DNAJC5: variants seen among roughly 807,000 people sequenced by gnomAD.
DNAJC5 encodes DnaJ heat shock protein family (Hsp40) member C5.
DNAJC5 carries 1 observed loss-of-function variant against 23.2 expected under a neutral mutation model. The ratio of observed to expected loss-of-function variants is 0.04; its 90% CI spans 0.02 to 0.20. The LOEUF (loss-of-function observed/expected upper bound fraction) is 0.20. DNAJC5 is among the 10% of genes least tolerant of loss of function. The pLI is 1.00. For synonymous variants in DNAJC5, 136 were observed against 120.0 expected, an observed-to-expected ratio of 1.13 and a Z score of -0.87; for missense variants, 180 against 267.0, an observed-to-expected ratio of 0.67 and a Z score of 2.27.
At chr20:63,916,329 A>G (rs530607501) in intron 1 of DNAJC5, among the ~76,000 whole-genome samples, 3 of 152,344 alleles carry the variant, frequency 2.0e-5, no homozygotes, top group South Asian at 2.1e-4. Flanking sequence ...AATAAAGAGA[A>G]AGAGTACAAA....
At position 63,931,106 on chromosome 20, in the gene DNAJC5, CAGG is replaced by C. The variant is rs941755736; in HGVS notation, c.493+88_493+90del. On this transcript the variant is annotated intron_variant, in intron 4 of 4. Transcript: ENST00000360864. This position sits in a 1 kb window ranked among gnomAD's most constrained non-coding sequence, Gnocchi z 9.6. ...AATGGTGTCAACCTGTCTTGTCAAACAGGAGGGCACTGACACTGTGCCGCGAGT... is the reference window on the plus strand; with the variant it reads ...AATGGTGTCAACCTGTCTTGTCAAACAGGGCACTGACACTGTGCCGCGAGT... The C allele has an allele frequency of 2.8e-6, 4 of 1,414,938 alleles. No individual in the cohort carries two copies. The highest frequency in any genetic ancestry group is 2.8e-5 in the African/African-American group (2 of 71,010). The allele number at this position is 1,414,938 out of a possible 1,614,324, so 87.6% of individuals were successfully genotyped here.
rs535064309 is a variant in DNAJC5, at chr20:63,924,251, A to T, written c.-11-4084A>T. 2.0e-5 allele frequency among the ~76,000 whole-genome samples: 3 copies of T among 152,334 alleles called. No individual in the cohort carries two copies. The East Asian group carries it at 5.8e-4, about 29-fold the overall frequency. ...TTGGATTAGGGTTAGGCTTCTGTCA[A>T]GTCTACAGATCAGTTTGGGGAGAAC... On this transcript the variant is annotated intron_variant, in intron 1 of 4. Transcript: ENST00000360864.
At position 63,934,227 on chromosome 20, in the gene DNAJC5, G is replaced by A. The variant is rs931805235; in HGVS notation, c.*2659G>A. The A allele has an allele frequency of 2.6e-5, 4 of 152,248 alleles. No homozygotes were observed. The highest frequency in any genetic ancestry group is 9.6e-5 in the African/African-American group (4 of 41,456). The allele number at this position is 152,248 out of a possible 1,614,324, so 9.4% of individuals were successfully genotyped here. A position where few individuals can be genotyped will look rare whatever the true frequency, so the allele number is the denominator to read the frequency against. On this transcript the variant is annotated 3_prime_UTR_variant, in exon 5 of 5. Transcript: ENST00000360864. ...GGTTTTATTTCTCTCTTTCTTGAGTGGACTGTTTCCCTATAATTAAAAGAG... is the reference window on the plus strand; with the variant it reads ...GGTTTTATTTCTCTCTTTCTTGAGTAGACTGTTTCCCTATAATTAAAAGAG...
chr20:63,927,771 T>G (rs189914138), intron 1 of DNAJC5, among the ~76,000 whole-genome samples: 12 of 152,376 alleles, frequency 7.9e-5, no homozygotes, highest in Admixed American at 2.6e-4. Flanking sequence ...ACATTGAATT[T>G]AATTGTTGAT....
At position 63,933,597 on chromosome 20, in the gene DNAJC5, G is replaced by T. The variant is rs2053692688; in HGVS notation, c.*2029G>T. 1 of 152,392 alleles carries T rather than the reference G, an allele frequency of 6.6e-6. No homozygotes were observed. The highest frequency in any genetic ancestry group is 2.4e-5 in the African/African-American group (1 of 41,458). The allele number at this position is 152,392 out of a possible 1,614,324, so 9.4% of individuals were successfully genotyped here. The stretch of plus-strand genomic sequence containing the variant: ...TTGTTTGGCCCATCCTGAAAGGTGA[G>T]GTGGCGAGACAGTGGGGTGCCTCCG... On this transcript the variant is annotated 3_prime_UTR_variant, in exon 5 of 5. Transcript: ENST00000360864.
chr20:63,908,371 A>G (rs1395414398), intron 1 of DNAJC5, among the ~76,000 whole-genome samples: 1 of 152,198 alleles, frequency 6.6e-6, no homozygotes, highest in Non-Finnish European at 1.5e-5. Flanking sequence ...AAATACCCAG[A>G]TGCCATCTGT....
chr20:63,919,168 T>C (rs187254163), intron 1 of DNAJC5, among the ~76,000 whole-genome samples: 1 of 152,338 alleles, frequency 6.6e-6, no homozygotes, highest in African/African-American at 2.4e-5. Context: ...CTGAGGAGCA[T>C]GGACCTGCTA....
chr20:63,927,237 C>T (rs2053623877), intron 1 of DNAJC5, among the ~76,000 whole-genome samples: 1 of 151,820 alleles, frequency 6.6e-6, no homozygotes, highest in South Asian at 2.1e-4. Context: ...TGTGTATTTG[C>T]CAGGCGCTGT....
At position 63,902,388 on chromosome 20, in the gene DNAJC5, G is replaced by A. The variant is rs542206224; in HGVS notation, c.-12+7065G>A. ...TTTTTTTTTTTTTTTTTTTTGAGACGGAGTTTCACTCTTGTTTCCCAGGCT... is the reference window on the plus strand; with the variant it reads ...TTTTTTTTTTTTTTTTTTTTGAGACAGAGTTTCACTCTTGTTTCCCAGGCT... On this transcript the variant is annotated intron_variant, in intron 1 of 4. Coordinates refer to ENST00000360864, the MANE Select transcript of DNAJC5 (RefSeq NM_025219.3). Among the ~76,000 whole-genome samples, 34 of 114,050 alleles carry A rather than the reference G, an allele frequency of 3.0e-4. 1 individual carries two copies. In the Middle Eastern group the frequency reaches 0.026, roughly 88 times the overall value. The allele number at this position is 114,050 out of a possible 152,430, so 74.8% of individuals were successfully genotyped here. A position where few individuals can be genotyped will look rare whatever the true frequency, so the allele number is the denominator to read the frequency against.
chr20:63,927,545 C>A (rs966210650), intron 1 of DNAJC5, among the ~76,000 whole-genome samples: 109 of 133,354 alleles, frequency 8.2e-4, no homozygotes, highest in South Asian at 2.9e-3. Context: ...TCCCCCCCCC[C>A]AAAAAAGAAA....
chr20:63,918,777 G>GT (rs1441308813), intron 1 of DNAJC5, among the ~76,000 whole-genome samples: 1 of 152,062 alleles, frequency 6.6e-6, no homozygotes, highest in African/African-American at 2.4e-5. Context: ...TTGTATTTTT[G>GT]TAGAGACGGG....
Position 63,934,266 on chromosome 20 carries a change from G to C in DNAJC5, c.*2698G>C, listed in dbSNP as rs2053698644. ...TAATTAAAAGAGGTGGTGAGTCCTGGGGCAGCTTCCGCGCCTCCCTGTCCA... is the reference window on the plus strand; with the variant it reads ...TAATTAAAAGAGGTGGTGAGTCCTGCGGCAGCTTCCGCGCCTCCCTGTCCA... On this transcript the variant is annotated 3_prime_UTR_variant, in exon 5 of 5. Transcript: ENST00000360864. 1 of 152,258 alleles carries C rather than the reference G, an allele frequency of 6.6e-6. No homozygotes were observed. The highest frequency in any genetic ancestry group is 2.4e-5 in the African/African-American group (1 of 41,458). 9.4% of individuals were successfully genotyped at this position (152,258 alleles called of 1,614,324 possible). A position where few individuals can be genotyped will look rare whatever the true frequency, so the allele number is the denominator to read the frequency against.
In DNAJC5 at chr20:63,935,758, G is replaced by A. The variant is rs1199344751; in HGVS notation, c.*4190G>A. 6.6e-6 allele frequency: 1 copy of A among 152,274 alleles called. No individual in the cohort carries two copies. Among genetic ancestry groups the A allele is most frequent in the Non-Finnish European group, 1.5e-5 (1 of 68,050 alleles). 9.4% of individuals were successfully genotyped at this position (152,274 alleles called of 1,614,324 possible). ...ATGGGGAAAATGTTTCAAGCCAGGT[G>A]AGGGGGGAAGTTAACACTGAAATAT... On this transcript the variant is annotated 3_prime_UTR_variant, in exon 5 of 5. Coordinates refer to ENST00000360864, the MANE Select transcript of DNAJC5 (RefSeq NM_025219.3).
At chr20:63,912,663 A>G (rs747613116) in intron 1 of DNAJC5, among the ~76,000 whole-genome samples, 12 of 152,258 alleles carry the variant, frequency 7.9e-5, no homozygotes, top group Middle Eastern at 3.4e-3. Flanking sequence ...GCTGGAGTGC[A>G]GTGGCGTGAT....
At chr20:63,916,291 A>G (rs528113556) in intron 1 of DNAJC5, among the ~76,000 whole-genome samples, 159 of 152,208 alleles carry the variant, frequency 1.0e-3, no homozygotes, top group African/African-American at 3.4e-3. Context: ...GGTTCTTTCT[A>G]TTTTCCATAA....
At chr20:63,895,790 C>T (rs1472656358) in intron 1 of DNAJC5, among the ~76,000 whole-genome samples, 2 of 152,176 alleles carry the variant, frequency 1.3e-5, no homozygotes, top group East Asian at 1.9e-4. Context: ...TGTTCTGTAA[C>T]GCATCGTAAA....
intron 1 of DNAJC5, among the ~76,000 whole-genome samples, chr20:63,916,720 A>C (rs2053517571): frequency 6.6e-6 from 1 of 152,146 alleles, no homozygotes; most frequent in Non-Finnish European, 1.5e-5. Context: ...TTCAGTCCTT[A>C]TCTCAACCAC....
chr20:63,922,003 T>G (rs1490568116), intron 1 of DNAJC5, among the ~76,000 whole-genome samples: 2 of 152,076 alleles, frequency 1.3e-5, no homozygotes, highest in South Asian at 2.1e-4. Flanking sequence ...GGTCTCAAAC[T>G]CTTGATCTCA....
intron 1 of DNAJC5, among the ~76,000 whole-genome samples, chr20:63,918,489 A>C (rs1258248353): frequency 6.6e-6 from 1 of 152,252 alleles, no homozygotes; most frequent in Non-Finnish European, 1.5e-5. Flanking sequence ...ATTGAATTTA[A>C]GGTATATATG....
Sources: gnomAD v4.1 joint callset for allele counts (sites outside exome capture counted in the v4.1 genomes callset) on GRCh38, gnomAD v4.1.1 for gene constraint, Gnocchi (gnomAD v3.1) non-coding constraint, MANE v1.5 for transcripts, NCBI Gene and HGNC (gene_info 2026-07-23, HGNC 2026-07-21) for gene names.